The following MTMR1 variants were observed in gnomAD, a reference collection of about 807,000 sequenced individuals.
MTMR1 encodes the protein myotubularin related protein 1.
Under a neutral mutation model 51.6 loss-of-function variants are expected in MTMR1, and 17 were observed. That is an observed-to-expected ratio of 0.33 (90% confidence interval 0.23 to 0.49). The LOEUF (loss-of-function observed/expected upper bound fraction) is 0.49. Among genes scored for constraint, MTMR1 ranks in the 20% least tolerant of loss-of-function variants. The pLI, the probability that MTMR1 is intolerant of heterozygous loss-of-function variation, is 0.99. For missense variants in MTMR1, 386 were observed against 526.9 expected, an observed-to-expected ratio of 0.73 and a Z score of 2.62; for synonymous variants, 201 against 205.6, an observed-to-expected ratio of 0.98 and a Z score of 0.19.
At chrX:150,695,906 G>A (rs782536023) in intron 1 of MTMR1, among the ~76,000 whole-genome samples, 1 of 111,631 alleles carries the variant, frequency 9.0e-6, no homozygotes, top group South Asian at 3.8e-4. Context: ...AGAGTGACCC[G>A]ACATGGTGAG....
chrX:150,718,135 C>T (rs962979230), intron 3 of MTMR1, among the ~76,000 whole-genome samples: 1 of 112,711 alleles, frequency 8.9e-6, no homozygotes, highest in Non-Finnish European at 1.9e-5. Context: ...TAGTTGTGTA[C>T]TGTACCGAGA....
intron 2 of MTMR1, among the ~76,000 whole-genome samples, chrX:150,705,822 G>A (rs2041080981): frequency 1.8e-5 from 2 of 111,808 alleles, no homozygotes; most frequent in Non-Finnish European, 3.8e-5. Flanking sequence ...AGTTTAGTGA[G>A]GTCACAGGAT....
chrX:150,732,877 C>T (rs2042159031), intron 10 of MTMR1, 147 bp downstream of exon 10: 1 of 534,124 alleles, frequency 1.9e-6, no homozygotes, highest in Non-Finnish European at 2.8e-6. Flanking sequence ...CTGGTGTATG[C>T]TCCTTGGGCT....
intron 15 of MTMR1, among the ~76,000 whole-genome samples, chrX:150,759,179 C>T (rs1458452335): frequency 8.9e-6 from 1 of 112,591 alleles, no homozygotes; most frequent in Non-Finnish European, 1.9e-5. Context: ...TCTTTCCAGT[C>T]AGTGGTCAAC....
chrX:150,699,681 A>C (rs1476548494), intron 2 of MTMR1, among the ~76,000 whole-genome samples: 1 of 112,684 alleles, frequency 8.9e-6, no homozygotes, highest in Non-Finnish European at 1.9e-5. Context: ...GTGAGTATTC[A>C]GCATTAACAT....
chrX:150,749,517 T>C (rs2042667555), intron 13 of MTMR1, among the ~76,000 whole-genome samples: 1 of 111,954 alleles, frequency 8.9e-6, no homozygotes, highest in East Asian at 2.8e-4. Flanking sequence ...ACTCAGCACA[T>C]GCCTGCTGTT....
At chrX:150,738,910 T>A (rs781826788) in intron 12 of MTMR1, among the ~76,000 whole-genome samples, 1 of 112,070 alleles carries the variant, frequency 8.9e-6, no homozygotes, top group South Asian at 3.7e-4. Flanking sequence ...GATGGGGCAT[T>A]CTTGGGCTGC....
chrX:150,717,379 AAAAGG>A (rs2041572435), intron 3 of MTMR1, among the ~76,000 whole-genome samples: 2 of 99,989 alleles, frequency 2.0e-5, no homozygotes, highest in South Asian at 8.6e-4. Context: ...AAAAAAAAAA[AAAAGG>A]AGAAGAAAAA....
In MTMR1 at chrX:150,755,782, G is replaced by T. The variant is rs782208970; in HGVS notation, c.1774G>T (p.Val592Leu). 1 of 1,205,280 alleles carries T rather than the reference G, an allele frequency of 8.3e-7. No individual in the cohort carries two copies. The highest frequency in any genetic ancestry group is 1.1e-6 in the Non-Finnish European group (1 of 891,439). The stretch of plus-strand genomic sequence containing the variant: ...CTTCTTTGTGAATTATGAAAACCAC[G>T]TGTTATATCCTGTTGCTAGTCTGAG... ...NPFFVNYENH[V>L]LYPVASLSHL... The change falls in exon 15 of 16, where the codon GTG (valine) becomes TTG (leucine). Residue 592 changes from valine (V) to leucine (L), a missense_variant. Val to Leu is a conservative substitution (Grantham distance 32). Transcript: ENST00000445323.
At chrX:150,702,088 C>CTTT (rs34358686) in intron 2 of MTMR1, among the ~76,000 whole-genome samples, 7 of 94,888 alleles carry the variant, frequency 7.4e-5, no homozygotes, top group Non-Finnish European at 8.4e-5. Flanking sequence ...TTCTTTCTTT[C>CTTT]TTTTTTTTTT....
rs920049783 is a variant in MTMR1, at chrX:150,722,561, T to C, written c.352+3861T>C. Among the ~76,000 whole-genome samples, 10 of 111,817 alleles carry C rather than the reference T, an allele frequency of 8.9e-5. No individual in the cohort carries two copies. In the Admixed American group the frequency reaches 9.5e-4, roughly 11 times the overall value. On this transcript the variant is annotated intron_variant, in intron 4 of 15. Transcript: ENST00000445323. ...CATTATAGCTTTTAAAAAATTTTAC[T>C]AACATGATATACCTATTTTCATCCT...
Position 150,755,757 on chromosome X carries a change from C to T in MTMR1, c.1749C>T (p.Pro583=). 8.3e-7 allele frequency: 1 copy of T among 1,206,577 alleles called. No individual in the cohort carries two copies. Among genetic ancestry groups the T allele is most frequent in the Non-Finnish European group, 1.1e-6 (1 of 892,371 alleles). The stretch of plus-strand genomic sequence containing the variant: ...GCCAGCTAGACGAGTTTTCTAATCC[C>T]TTCTTTGTGAATTATGAAAACCACG... ...INSQLDEFSN[P]FFVNYENHVL... is the part of the protein sequence containing the mutation. Residue 583 remains proline, a synonymous_variant, in exon 15 of 16, where the codon CCC becomes CCT. Transcript: ENST00000445323.
At chrX:150,728,359 T>C (rs1229928473) in intron 6 of MTMR1, among the ~76,000 whole-genome samples, 1 of 112,277 alleles carries the variant, frequency 8.9e-6, no homozygotes, top group African/African-American at 3.2e-5. Context: ...AACGTGGACC[T>C]ATAACCTAAG....
At position 150,765,017 on chromosome X, in the gene MTMR1, T is replaced by A. The variant is rs886400502; in HGVS notation, c.*2288T>A. 1 of 112,645 alleles carries A rather than the reference T, an allele frequency of 8.9e-6. No individual in the cohort carries two copies. The highest frequency in any genetic ancestry group is 3.2e-5 in the African/African-American group (1 of 30,950). 9.3% of individuals were successfully genotyped at this position (112,645 alleles called of 1,213,427 possible). A position where few individuals can be genotyped will look rare whatever the true frequency, so the allele number is the denominator to read the frequency against. Reference sequence around the variant, plus strand: ...AATAAAATAACATGGATTGAATGTTTACTGTGCGTCAAGCACAGTTAATAT... The same window carrying A: ...AATAAAATAACATGGATTGAATGTTAACTGTGCGTCAAGCACAGTTAATAT... On this transcript the variant is annotated 3_prime_UTR_variant, in exon 16 of 16. Coordinates refer to ENST00000445323, the MANE Select transcript of MTMR1 (RefSeq NM_001306144.3).
chrX:150,759,318 G>C (rs1195251397), intron 15 of MTMR1, among the ~76,000 whole-genome samples: 1 of 112,316 alleles, frequency 8.9e-6, no homozygotes, highest in Non-Finnish European at 1.9e-5. Context: ...CAACAGGGAA[G>C]ATGGGCTACA....
chrX:150,730,442 A>G, intron 7 of MTMR1, 83 bp from the exon 8 acceptor site: 1 of 657,756 alleles, frequency 1.5e-6, no homozygotes, highest in Admixed American at 3.4e-5. Flanking sequence ...CACTCAGCTC[A>G]TATTAGAATG....
chrX:150,694,376 G>A (rs2040595938), intron 1 of MTMR1, among the ~76,000 whole-genome samples: 1 of 111,943 alleles, frequency 8.9e-6, no homozygotes, highest in Non-Finnish European at 1.9e-5. Context: ...TAAAGTGACC[G>A]TGTCGAACTG....
chrX:150,752,451 T>A (rs782810521), intron 14 of MTMR1, among the ~76,000 whole-genome samples: 1 of 110,847 alleles, frequency 9.0e-6, no homozygotes, highest in African/African-American at 3.3e-5. Context: ...AAATCCACAC[T>A]CCTGCGGGCC....
chrX:150,755,192 C>T (rs782154074), intron 14 of MTMR1, among the ~76,000 whole-genome samples: 1 of 111,003 alleles, frequency 9.0e-6, no homozygotes, highest in Non-Finnish European at 1.9e-5. Context: ...GGAGCTGGGA[C>T]TATACTTGGC....
Sources: allele counts gnomAD v4.1 joint callset (sites outside exome capture counted in the v4.1 genomes callset), GRCh38; gene constraint gnomAD v4.1.1; transcripts MANE v1.5; gene names NCBI Gene and HGNC (gene_info 2026-07-23, HGNC 2026-07-21).